The following ITPKB variants were observed in gnomAD, a reference collection of about 807,000 sequenced individuals.
ITPKB encodes the protein inositol-trisphosphate 3-kinase B.
Under a neutral mutation model 69.4 loss-of-function variants are expected in ITPKB, and 13 were observed. The ratio of observed to expected loss-of-function variants is 0.19; its 90% CI spans 0.12 to 0.30. The LOEUF is 0.30. Ranked by LOEUF, ITPKB falls within the 10% of genes least tolerant of loss-of-function variation. The pLI, the probability that ITPKB is intolerant of heterozygous loss-of-function variation, is 1.00. For missense variants in ITPKB, 1,240 were observed against 1,250.5 expected, an observed-to-expected ratio of 0.99 and a Z score of 0.13; for synonymous variants, 584 against 513.7, an observed-to-expected ratio of 1.14 and a Z score of -1.85.
In ITPKB at chr1:226,735,983, C is replaced by A. The variant is rs1453523055; in HGVS notation, c.1476G>T (p.Gln492His). 2 of 1,613,886 alleles carry A rather than the reference C, an allele frequency of 1.2e-6. No individual in the cohort carries two copies. The highest frequency in any genetic ancestry group is 1.3e-5 in the African/African-American group (1 of 74,944). Reference sequence around the variant, plus strand: ...CACCCACCCTGTCCCCAGGAGGGCACTGAGGTTCTTTCAGATCTTTCGCAG... The same window carrying A: ...CACCCACCCTGTCCCCAGGAGGGCAATGAGGTTCTTTCAGATCTTTCGCAG... ...WDAAKDLKEP[Q>H]CPPGDRVGVQ... The change falls in exon 2 of 8, where the codon CAG becomes CAT. Residue 492 changes from glutamine (Q) to histidine (H), a missense_variant. Gln to His is a conservative substitution (Grantham distance 24). Coordinates refer to ENST00000429204, the MANE Select transcript of ITPKB (RefSeq NM_002221.4).
intron 2 of ITPKB, among the ~76,000 whole-genome samples, chr1:226,699,705 T>A (rs989425244): frequency 6.6e-6 from 1 of 151,952 alleles, no homozygotes; most frequent in Non-Finnish European, 1.5e-5. Flanking sequence ...TAGCACCCAG[T>A]ACAGCAGAGC....
At chr1:226,643,416 T>C (rs1669002145) in intron 4 of ITPKB, among the ~76,000 whole-genome samples, 1 of 152,198 alleles carries the variant, frequency 6.6e-6, no homozygotes, top group Non-Finnish European at 1.5e-5. Context: ...GCAGTGTCAG[T>C]TGCAGGATGG....
chr1:226,632,645 C>T lies in ITPKB; in HGVS notation c.*2026G>A, dbSNP rs1013565381. On this transcript the variant is annotated 3_prime_UTR_variant, in exon 8 of 8. Coordinates refer to ENST00000429204, the MANE Select transcript of ITPKB (RefSeq NM_002221.4). Reference sequence around the variant, plus strand: ...TGCCAATAAGAGGCCCCATGGGCCTCCTTTAATAAGCACATCATTTGCATA... The same window carrying T: ...TGCCAATAAGAGGCCCCATGGGCCTTCTTTAATAAGCACATCATTTGCATA... The T allele has an allele frequency of 2.0e-5, 3 of 152,666 alleles. No individual in the cohort carries two copies. The highest frequency in any genetic ancestry group is 3.8e-4 in the East Asian group (2 of 5,204). 9.5% of individuals were successfully genotyped at this position (152,666 alleles called of 1,614,324 possible). A position where few individuals can be genotyped will look rare whatever the true frequency, so the allele number is the denominator to read the frequency against.
intron 2 of ITPKB, among the ~76,000 whole-genome samples, chr1:226,690,572 A>G (rs1219209302): frequency 6.6e-6 from 1 of 152,210 alleles, no homozygotes; most frequent in African/African-American, 2.4e-5. Context: ...TTTCATCAAG[A>G]GGCTCTGACA....
intron 2 of ITPKB, among the ~76,000 whole-genome samples, chr1:226,668,391 G>A (rs372162530): frequency 3.9e-5 from 6 of 152,168 alleles, no homozygotes; most frequent in East Asian, 3.8e-4. Context: ...GGGGTGGCTC[G>A]TCCCCCGAGT....
chr1:226,642,144 G>A lies in ITPKB; in HGVS notation c.2247-19C>T, dbSNP rs41268735. 29,786 of 1,603,726 alleles carry A rather than the reference G, an allele frequency of 0.019. 334 individuals carry two copies. The highest frequency in any genetic ancestry group is 0.023 in the Non-Finnish European group (26,489 of 1,173,694). On this transcript the variant is annotated intron_variant, in intron 4 of 7. Transcript: ENST00000429204. This position sits in a 1 kb window ranked among gnomAD's most constrained non-coding sequence, Gnocchi z 6.4. ...GTAGGTCCTACGTGGGAGGGAAGGC[G>A]ACATGAGGGCCGAGGCCTGGGGCAG...
intron 2 of ITPKB, among the ~76,000 whole-genome samples, chr1:226,730,711 T>A (rs536199027): frequency 1.3e-5 from 2 of 152,172 alleles, no homozygotes; most frequent in Non-Finnish European, 2.9e-5. Flanking sequence ...AATTCTACCT[T>A]TAGATAACTA....
In ITPKB at chr1:226,638,940, C is replaced by T. The variant is rs531492000; in HGVS notation, c.2553+617G>A. Among the ~76,000 whole-genome samples, 4 of 152,080 alleles carry T rather than the reference C, an allele frequency of 2.6e-5. No individual in the cohort carries two copies. The East Asian group carries it at 7.7e-4, about 29-fold the overall frequency. On this transcript the variant is annotated intron_variant, in intron 6 of 7. Coordinates refer to ENST00000429204, the MANE Select transcript of ITPKB (RefSeq NM_002221.4). ...AGTGAGTGTCCGCCAAGCTTCCCCGCCTACCCGCCGCACGCCAGGGACAAG... is the reference window on the plus strand; with the variant it reads ...AGTGAGTGTCCGCCAAGCTTCCCCGTCTACCCGCCGCACGCCAGGGACAAG...
intron 2 of ITPKB, among the ~76,000 whole-genome samples, chr1:226,691,089 G>C (rs1035144646): frequency 7.9e-5 from 12 of 152,128 alleles, no homozygotes; most frequent in African/African-American, 2.7e-4. Flanking sequence ...TTATTTAATG[G>C]GTAGTTTCAG....
At chr1:226,727,715 G>A (rs891594101) in intron 2 of ITPKB, among the ~76,000 whole-genome samples, 3 of 152,098 alleles carry the variant, frequency 2.0e-5, no homozygotes, top group East Asian at 1.9e-4. Flanking sequence ...AAAGCACCTC[G>A]TTTGCACCCC....
At chr1:226,682,187 G>A (rs537705709) in intron 2 of ITPKB, among the ~76,000 whole-genome samples, 1 of 152,294 alleles carries the variant, frequency 6.6e-6, no homozygotes, top group East Asian at 1.9e-4. Context: ...CGAGATTCTG[G>A]CTTAGTTGGT....
intron 2 of ITPKB, among the ~76,000 whole-genome samples, chr1:226,719,017 G>C (rs1020514549): frequency 6.6e-6 from 1 of 152,188 alleles, no homozygotes. Context: ...GCTCGTGCCT[G>C]TAATCTCAGC....
At chr1:226,659,864 A>T (rs1045036832) in intron 2 of ITPKB, among the ~76,000 whole-genome samples, 1 of 152,148 alleles carries the variant, frequency 6.6e-6, no homozygotes, top group Non-Finnish European at 1.5e-5. Context: ...CAGGCTGCAC[A>T]GCCGGCAGGA....
At chr1:226,692,817 C>G (rs537143752) in intron 2 of ITPKB, among the ~76,000 whole-genome samples, 1 of 152,312 alleles carries the variant, frequency 6.6e-6, no homozygotes, top group African/African-American at 2.4e-5. Flanking sequence ...ATACCAACTT[C>G]TTTAAAAAAA....
intron 2 of ITPKB, among the ~76,000 whole-genome samples, chr1:226,688,905 T>C (rs558343387): frequency 3.1e-4 from 47 of 151,994 alleles, no homozygotes; most frequent in African/African-American, 9.2e-4. Context: ...CACTCCATTT[T>C]CCCCCCCAAC....
intron 6 of ITPKB, 144 bp downstream of exon 6, chr1:226,639,413 G>A: frequency 1.6e-6 from 1 of 626,086 alleles, no homozygotes; most frequent in South Asian, 1.9e-5. Context: ...TCTGCCAGTG[G>A]CCTCTCTACA....
intron 2 of ITPKB, among the ~76,000 whole-genome samples, chr1:226,695,413 C>T (rs1389511764): frequency 6.6e-6 from 1 of 152,198 alleles, no homozygotes; most frequent in African/African-American, 2.4e-5. Context: ...GACTGGCACT[C>T]ATGGCATTTT....
rs374070960 is a variant in ITPKB, at chr1:226,647,280, G to A, written c.2133C>T (p.Phe711=). 3.2e-5 allele frequency: 51 copies of A among 1,614,074 alleles called. No individual in the cohort carries two copies. Among genetic ancestry groups the A allele is most frequent in the African/African-American group, 2.9e-4 (22 of 74,936 alleles). The change falls in exon 4 of 8, where the codon TTC becomes TTT. Residue 711 remains phenylalanine (F), a synonymous_variant. Transcript: ENST00000429204. ...CCACATCCCCATGGTAGGCAGGTACGAAGGGCCTCAGCACATCCACCATCA... is the reference window on the plus strand; with the variant it reads ...CCACATCCCCATGGTAGGCAGGTACAAAGGGCCTCAGCACATCCACCATCA... ...DRLMVDVLRP[F]VPAYHGDVVK... is the part of the protein sequence containing the mutation.
At chr1:226,651,308 G>C (rs905732631) in intron 2 of ITPKB, among the ~76,000 whole-genome samples, 2 of 152,174 alleles carry the variant, frequency 1.3e-5, no homozygotes, top group African/African-American at 4.8e-5. Flanking sequence ...AGGCCAACCT[G>C]GGCCCGAGTC....
Sources: gnomAD v4.1 joint callset for allele counts (sites outside exome capture counted in the v4.1 genomes callset) on GRCh38, gnomAD v4.1.1 for gene constraint, Gnocchi (gnomAD v3.1) non-coding constraint, MANE v1.5 for transcripts, NCBI Gene and HGNC (gene_info 2026-07-23, HGNC 2026-07-21) for gene names.